The following HHLA1 variants were observed in gnomAD, a reference collection of about 807,000 sequenced individuals.
HHLA1 encodes the protein HERV-H LTR-associating protein 1.
Under a neutral mutation model 69.9 loss-of-function variants are expected in HHLA1, and 72 were observed. The ratio of observed to expected loss-of-function variants is 1.03; its 90% CI spans 0.85 to 1.25. The LOEUF (loss-of-function observed/expected upper bound fraction) is 1.25, where lower values mean the gene tolerates loss of function less well. Among genes scored for constraint, HHLA1 ranks in the 50% most tolerant of loss-of-function variants. The pLI is 0.00. For missense variants in HHLA1, 685 were observed against 642.2 expected, an observed-to-expected ratio of 1.07 and a Z score of -0.72; for synonymous variants, 252 against 233.2, an observed-to-expected ratio of 1.08 and a Z score of -0.73.
chr8:132,088,169 G>C (rs1823893039), intron 8 of HHLA1, among the ~76,000 whole-genome samples: 1 of 152,170 alleles, frequency 6.6e-6, no homozygotes, highest in South Asian at 2.1e-4. Context: ...ATGCAAACAT[G>C]AATGAATTGC....
intron 7 of HHLA1, among the ~76,000 whole-genome samples, chr8:132,094,260 C>T (rs1445482171): frequency 6.6e-6 from 1 of 152,164 alleles, no homozygotes; most frequent in African/African-American, 2.4e-5. Context: ...GCTTCCCTTA[C>T]AATCTCGTAT....
intron 2 of HHLA1, among the ~76,000 whole-genome samples, chr8:132,104,877 G>A (rs1182325140): frequency 6.6e-6 from 1 of 152,168 alleles, no homozygotes; most frequent in African/African-American, 2.4e-5. Context: ...AGGCTGATTG[G>A]TGGTGAATGG....
chr8:132,087,590 G>T, intron 10 of HHLA1, 63 bp downstream of exon 10: 1 of 1,009,372 alleles, frequency 9.9e-7, no homozygotes, highest in Non-Finnish European at 1.5e-6. Flanking sequence ...TCAGTCATTA[G>T]TGTGCCAGGT....
chr8:132,079,179 G>A (rs913800331), intron 11 of HHLA1, among the ~76,000 whole-genome samples: 1 of 152,158 alleles, frequency 6.6e-6, no homozygotes, highest in Non-Finnish European at 1.5e-5. Flanking sequence ...GGGAGGCAGG[G>A]GCCTCCTGCA....
At chr8:132,093,957 TCTTTC>T (rs1366236027) in intron 7 of HHLA1, among the ~76,000 whole-genome samples, 1 of 152,198 alleles carries the variant, frequency 6.6e-6, no homozygotes, top group Non-Finnish European at 1.5e-5. Context: ...TATTAGTAAT[TCTTTC>T]CTTTAATATT....
chr8:132,094,562 G>C (rs1446811159), intron 7 of HHLA1, among the ~76,000 whole-genome samples: 1 of 152,080 alleles, frequency 6.6e-6, no homozygotes, highest in South Asian at 2.1e-4. Flanking sequence ...CACAGGGCTG[G>C]CCCCTCACAT....
At chr8:132,087,565 A>G in intron 10 of HHLA1, 88 bp downstream of exon 10, 1 of 770,084 alleles carries the variant, frequency 1.3e-6, no homozygotes. Context: ...GAAACACAAC[A>G]CCTGAGGGCA....
chr8:132,065,132 A>T (rs1461871768), intron 16 of HHLA1, among the ~76,000 whole-genome samples: 3 of 152,220 alleles, frequency 2.0e-5, no homozygotes, highest in African/African-American at 7.2e-5. Flanking sequence ...GATAAAAAAA[A>T]GCTGATACTG....
intron 3 of HHLA1, among the ~76,000 whole-genome samples, chr8:132,102,928 C>G (rs986627405): frequency 6.6e-6 from 1 of 151,690 alleles, no homozygotes; most frequent in African/African-American, 2.4e-5. Flanking sequence ...GATTTTTGAA[C>G]AGGATGTAAT....
intron 10 of HHLA1, among the ~76,000 whole-genome samples, chr8:132,086,483 C>G (rs2130889020): frequency 6.6e-6 from 1 of 152,338 alleles, no homozygotes; most frequent in African/African-American, 2.4e-5. Context: ...TACATCCAGC[C>G]AAACTATCAC....
chr8:132,077,693 A>G, intron 12 of HHLA1, 33 bp downstream of exon 12: 1 of 1,540,008 alleles, frequency 6.5e-7, no homozygotes, highest in Non-Finnish European at 8.8e-7. Flanking sequence ...TTAATTTAAA[A>G]CGGGAGAGGT....
At chr8:132,068,600 T>C (rs972075016) in intron 15 of HHLA1, among the ~76,000 whole-genome samples, 5 of 152,258 alleles carry the variant, frequency 3.3e-5, no homozygotes, top group African/African-American at 4.8e-5. Context: ...TAAGCTGCAA[T>C]GCCATGGCTA....
chr8:132,085,455 G>A (rs539470699), intron 10 of HHLA1: 17 of 395,560 alleles, frequency 4.3e-5, no homozygotes, highest in Non-Finnish European at 8.6e-5. Context: ...CTGAGGACCT[G>A]AGGTCGTAGG....
At chr8:132,082,230 T>G (rs926995314) in intron 10 of HHLA1, among the ~76,000 whole-genome samples, 5 of 152,058 alleles carry the variant, frequency 3.3e-5, no homozygotes, top group African/African-American at 1.2e-4. Context: ...GAAAATAGAT[T>G]TTGGAAGTTA....
intron 5 of HHLA1, among the ~76,000 whole-genome samples, chr8:132,096,598 T>C (rs1204911337): frequency 6.6e-6 from 1 of 152,148 alleles, no homozygotes; most frequent in Admixed American, 6.5e-5. Flanking sequence ...CATCAGTGCC[T>C]GTTCTTAGTT....
intron 3 of HHLA1, 37 bp from the exon 4 acceptor site, chr8:132,100,171 T>C: frequency 1.5e-5 from 22 of 1,447,196 alleles, no homozygotes; most frequent in Non-Finnish European, 2.1e-5. Flanking sequence ...AAAATGTGAG[T>C]GGTCCAGTTC....
intron 1 of HHLA1, among the ~76,000 whole-genome samples, chr8:132,108,616 C>T (rs558840248): frequency 6.6e-6 from 1 of 152,138 alleles, no homozygotes; most frequent in South Asian, 2.1e-4. Context: ...ATATGCCAGC[C>T]AAAATATACT....
intron 10 of HHLA1, 102 bp from the exon 11 acceptor site, chr8:132,080,068 A>G (rs991104172): frequency 7.1e-7 from 1 of 1,405,424 alleles, no homozygotes; most frequent in Non-Finnish European, 9.9e-7. Flanking sequence ...TGGAGATTCA[A>G]ACCTTTCTCT....
intron 10 of HHLA1, among the ~76,000 whole-genome samples, chr8:132,084,476 G>A (rs957017202): frequency 6.6e-6 from 1 of 152,158 alleles, no homozygotes; most frequent in Non-Finnish European, 1.5e-5. Flanking sequence ...TGGACGTCAG[G>A]CACCTCAGAC....
Sources: allele counts gnomAD v4.1 joint callset (sites outside exome capture counted in the v4.1 genomes callset), GRCh38; gene constraint gnomAD v4.1.1; transcripts MANE v1.5; gene names NCBI Gene and HGNC (gene_info 2026-07-23, HGNC 2026-07-21).